The following BLK variants were observed in gnomAD, a reference collection of about 807,000 sequenced individuals.
The protein encoded by BLK is BLK proto-oncogene, Src family tyrosine kinase.
Under a neutral mutation model 61.8 loss-of-function variants are expected in BLK, and 64 were observed. That is an observed-to-expected ratio of 1.03 (90% CI 0.85 to 1.27). The LOEUF is 1.27. BLK is among the 50% of genes most tolerant of loss of function. The pLI is 0.00. For missense variants in BLK, 853 were observed against 660.5 expected (o/e 1.29, Z -3.19); for synonymous variants, 351 against 272.0 (o/e 1.29, Z -2.86).
chr8:11,514,513 G>C (rs905617604), intron 1 of BLK, among the ~76,000 whole-genome samples: 4 of 152,226 alleles, frequency 2.6e-5, no homozygotes, highest in African/African-American at 9.6e-5. Flanking sequence ...TGCACGCTGA[G>C]CTCTGAGCAG....
rs1317478790 is a variant in BLK at position 11,543,295 on chromosome 8, GC to G, written c.76del (p.Leu26Ter). ...PIKEKDKGQW[S>X]PLKVSAQDKD... is the part of the protein sequence containing the mutation. ...AAAGAGAAGGACAAGGGCCAATGGA[GC>G]CCCCTGAAGGTCAGCGCCCAAGACA... On this transcript the variant is annotated frameshift_variant, in exon 2 of 13. Coordinates refer to ENST00000259089, the MANE Select transcript of BLK (RefSeq NM_001715.3). LOFTEE classifies it high-confidence loss of function. 1 of 1,613,710 alleles carries G rather than the reference GC, an allele frequency of 6.2e-7. No homozygotes were observed. The highest frequency in any genetic ancestry group is 1.3e-5 in the African/African-American group (1 of 74,914).
intron 1 of BLK, among the ~76,000 whole-genome samples, chr8:11,535,620 T>C (rs998948692): frequency 1.5e-4 from 23 of 152,356 alleles, no homozygotes; most frequent in African/African-American, 5.5e-4. Context: ...ACGCCCATTT[T>C]GTAACCACTA....
chr8:11,548,071 T>C lies in BLK; in HGVS notation c.215T>C (p.Met72Thr). ...GTGGCTCTGTATGACTACACCGCTA[T>C]GAATGATCGGGACCTGCAGATGCTG... The part of the protein sequence containing the change: ...FVVALYDYTA[M>T]NDRDLQMLKG... Residue 72 changes from methionine to threonine, a missense_variant, in exon 4 of 13, where the codon ATG becomes ACG. Coordinates refer to ENST00000259089, the MANE Select transcript of BLK (RefSeq NM_001715.3). The C allele has an allele frequency of 6.2e-7, 1 of 1,614,088 alleles. No individual in the cohort carries two copies. The highest frequency in any genetic ancestry group is 1.7e-4 in the Middle Eastern group (1 of 6,000).
chr8:11,544,378 A>G (rs1041167670), intron 2 of BLK, among the ~76,000 whole-genome samples: 1 of 152,174 alleles, frequency 6.6e-6, no homozygotes, highest in Non-Finnish European at 1.5e-5. Context: ...TGTGCTGTCC[A>G]CATGTCCACG....
chr8:11,531,337 G>T (rs1012754201), intron 1 of BLK, among the ~76,000 whole-genome samples: 1 of 151,926 alleles, frequency 6.6e-6, no homozygotes, highest in Non-Finnish European at 1.5e-5. Flanking sequence ...AATTTTTCTT[G>T]TATACTTTAT....
intron 1 of BLK, 53 bp from the exon 2 acceptor site, chr8:11,543,171 G>T: frequency 4.3e-6 from 7 of 1,610,942 alleles, no homozygotes; most frequent in Non-Finnish European, 5.9e-6. Flanking sequence ...TCTGTGCAGA[G>T]GATCTGAGGC....
intron 1 of BLK, among the ~76,000 whole-genome samples, chr8:11,521,521 G>T (rs1585349568): frequency 6.6e-6 from 1 of 152,330 alleles, no homozygotes; most frequent in East Asian, 1.9e-4. Flanking sequence ...GAATTCCTGG[G>T]CTTAAGTGGT....
At chr8:11,522,660 T>C (rs1799501831) in intron 1 of BLK, among the ~76,000 whole-genome samples, 1 of 139,068 alleles carries the variant, frequency 7.2e-6, no homozygotes, top group African/African-American at 2.7e-5. Context: ...ATTCACTTAA[T>C]AGAAAAGGAT....
intron 1 of BLK, among the ~76,000 whole-genome samples, chr8:11,526,853 C>A (rs1369083767): frequency 2.0e-5 from 3 of 152,300 alleles, no homozygotes; most frequent in Non-Finnish European, 4.4e-5. Flanking sequence ...AAATTTTGTT[C>A]TGTAGAATTA....
intron 1 of BLK, 71 bp from the exon 2 acceptor site, chr8:11,543,153 G>A: frequency 6.2e-7 from 1 of 1,608,856 alleles, no homozygotes; most frequent in East Asian, 2.2e-5. Context: ...AAGGGGCCAG[G>A]GATCCCCTCT....
intron 1 of BLK, among the ~76,000 whole-genome samples, chr8:11,540,157 A>G (rs913242187): frequency 2.0e-5 from 3 of 151,210 alleles, no homozygotes; most frequent in Admixed American, 2.0e-4. Flanking sequence ...TTTTAATTAC[A>G]TTTTTGTTTT....
chr8:11,543,971 T>G (rs1800507141), intron 2 of BLK, among the ~76,000 whole-genome samples: 1 of 151,988 alleles, frequency 6.6e-6, no homozygotes, highest in South Asian at 2.1e-4. Context: ...ATGCATTTTT[T>G]TTTTTTTTTG....
chr8:11,561,091 T>C (rs531251617), intron 10 of BLK: 31 of 721,428 alleles, frequency 4.3e-5, no homozygotes, highest in East Asian at 2.5e-4. Context: ...GTAGCCCCTG[T>C]GTCTCTGATG....
At chr8:11,559,517 A>G (rs1006569470) in intron 10 of BLK, among the ~76,000 whole-genome samples, 3 of 141,326 alleles carry the variant, frequency 2.1e-5, no homozygotes, top group Admixed American at 6.7e-5. Flanking sequence ...ACTCACACAC[A>G]CAAACACACA....
chr8:11,527,916 C>T (rs1377054143), intron 1 of BLK, among the ~76,000 whole-genome samples: 1 of 152,064 alleles, frequency 6.6e-6, no homozygotes, highest in Admixed American at 6.6e-5. Context: ...GAAATTATGC[C>T]TACATTTTAG....
intron 1 of BLK, among the ~76,000 whole-genome samples, chr8:11,526,701 A>G (rs561180557): frequency 6.6e-6 from 1 of 152,328 alleles, no homozygotes; most frequent in East Asian, 1.9e-4. Flanking sequence ...CCTGGGGGAC[A>G]GAGCAAGACT....
intron 1 of BLK, among the ~76,000 whole-genome samples, chr8:11,528,616 G>A (rs1184788852): frequency 2.0e-5 from 3 of 152,172 alleles, no homozygotes; most frequent in Non-Finnish European, 4.4e-5. Flanking sequence ...ATTTGGGGGA[G>A]GGGTTGACCC....
chr8:11,515,111 C>T (rs920345035), intron 1 of BLK, among the ~76,000 whole-genome samples: 3 of 152,200 alleles, frequency 2.0e-5, no homozygotes, highest in Non-Finnish European at 2.9e-5. Context: ...GCACCAAGAA[C>T]TTTCAGGGTT....
In BLK at chr8:11,522,501, T is replaced by C. The variant is rs192902089; in HGVS notation, c.-1-20723T>C. Among the ~76,000 whole-genome samples, 54 of 152,224 alleles carry C rather than the reference T, an allele frequency of 3.5e-4. No homozygotes were observed. In the East Asian group the frequency reaches 9.1e-3, roughly 26 times the overall value. On this transcript the variant is annotated intron_variant, in intron 1 of 12. Transcript: ENST00000259089. ...CATAGCCCACTGCCCTGTAAGTCCA[T>C]AGGTAAATTAAATATCTAAATTCCC...
Sources: gnomAD v4.1 joint callset for allele counts (sites outside exome capture counted in the v4.1 genomes callset) on GRCh38, gnomAD v4.1.1 for gene constraint, MANE v1.5 for transcripts, NCBI Gene and HGNC (gene_info 2026-07-23, HGNC 2026-07-21) for gene names.